The following EVC variants were observed in gnomAD, a reference collection of about 807,000 sequenced individuals.
EVC encodes the protein EvC ciliary complex subunit 1.
Under a neutral mutation model 118.9 loss-of-function variants are expected in EVC, and 116 were observed. That is an observed-to-expected ratio of 0.98 (90% CI 0.84 to 1.14). The LOEUF (loss-of-function observed/expected upper bound fraction) is 1.14. Among genes scored for constraint, EVC ranks in the 50% most tolerant of loss-of-function variants. The pLI, the probability that EVC is intolerant of heterozygous loss-of-function variation, is 0.00. For synonymous variants in EVC, 619 were observed against 534.7 expected, an observed-to-expected ratio of 1.16 and a Z score of -2.18; for missense variants, 1,401 against 1,246.4, an observed-to-expected ratio of 1.12 and a Z score of -1.87.
rs1723001259 is a variant in EVC, at chr4:5,711,462, C to G, written c.82C>G (p.Leu28Val). 5.7e-6 allele frequency: 6 copies of G among 1,050,764 alleles called. No individual in the cohort carries two copies. Among genetic ancestry groups the G allele is most frequent in the Non-Finnish European group, 6.9e-6 (6 of 875,512 alleles). The allele number at this position is 1,050,764 out of a possible 1,614,324, so 65.1% of individuals were successfully genotyped here. A position where few individuals can be genotyped will look rare whatever the true frequency, so the allele number is the denominator to read the frequency against. The change falls in exon 1 of 21, where the codon CTG becomes GTG. Residue 28 changes from leucine to valine, a missense_variant. By Grantham distance (32) the Leu-to-Val change is conservative (BLOSUM62 1). Coordinates refer to ENST00000264956, the MANE Select transcript of EVC (RefSeq NM_153717.3). Reference protein sequence around the residue: ...RDALRPAPALLAPAVLLGAAL... With the variant: ...RDALRPAPALVAPAVLLGAAL... Reference sequence around the variant, plus strand: ...CGCGCTGCGGCCGGCGCCCGCCCTGCTGGCCCCCGCCGTGCTGCTGGGCGC... The same window carrying G: ...CGCGCTGCGGCCGGCGCCCGCCCTGGTGGCCCCCGCCGTGCTGCTGGGCGC...
chr4:5,784,276 C>A (rs1025052123), intron 12 of EVC, among the ~76,000 whole-genome samples: 3 of 152,142 alleles, frequency 2.0e-5, no homozygotes, highest in Admixed American at 6.5e-5. Flanking sequence ...CCTGGTGAGC[C>A]CAGCGTAATT....
chr4:5,773,791 G>A (rs1734331994), intron 11 of EVC, among the ~76,000 whole-genome samples: 1 of 152,080 alleles, frequency 6.6e-6, no homozygotes, highest in Non-Finnish European at 1.5e-5. Flanking sequence ...ATTTTTAAGA[G>A]ACTCAAGCTC....
downstream of EVC, among the ~76,000 whole-genome samples, chr4:5,815,685 A>C (rs573269612): frequency 1.3e-5 from 2 of 152,284 alleles, no homozygotes; most frequent in South Asian, 4.1e-4. Flanking sequence ...TATGGAAACC[A>C]GAGGAGTGGG....
At chr4:5,817,619 C>T (rs1435199485), downstream of EVC, among the ~76,000 whole-genome samples, 1 of 152,162 alleles carries the variant, frequency 6.6e-6, no homozygotes. Flanking sequence ...CATGGTTTTT[C>T]ACTTCATAAA....
chr4:5,757,578 T>G (rs1731369246), intron 11 of EVC, among the ~76,000 whole-genome samples: 1 of 152,232 alleles, frequency 6.6e-6, no homozygotes, highest in African/African-American at 2.4e-5. Context: ...AGGCCTCTCT[T>G]CCGGGCTTGC....
chr4:5,823,837 A>G, the EVC span, among the ~76,000 whole-genome samples: 1 of 152,228 alleles, frequency 6.6e-6, no homozygotes, highest in Admixed American at 6.5e-5. Flanking sequence ...CTTTATAGCA[A>G]TGTAAATGGA....
At chr4:5,824,230 A>C in the EVC span, 1 of 930,506 alleles carries the variant, frequency 1.1e-6, no homozygotes, top group Non-Finnish European at 1.3e-6. Flanking sequence ...TGTTGCACCC[A>C]GATAGCTTTT....
Position 5,798,866 on chromosome 4 carries a change from T to C in EVC, c.2304+74T>C. 2 of 1,470,994 alleles carry C rather than the reference T, an allele frequency of 1.4e-6. No homozygotes were observed. Among genetic ancestry groups the C allele is most frequent in the Non-Finnish European group, 1.9e-6 (2 of 1,071,312 alleles). The allele number at this position is 1,470,994 out of a possible 1,614,324, so 91.1% of individuals were successfully genotyped here. A position where few individuals can be genotyped will look rare whatever the true frequency, so the allele number is the denominator to read the frequency against. ...GGGTAGGGTCCATGCCTGGGTCTGCTCCTTGCCACACCGTTCATGGAGCTT... is the reference window on the plus strand; with the variant it reads ...GGGTAGGGTCCATGCCTGGGTCTGCCCCTTGCCACACCGTTCATGGAGCTT... On this transcript the variant is annotated intron_variant, in intron 15 of 20. Transcript: ENST00000264956. The surrounding 1 kb of genome is among the most constrained non-coding windows in gnomAD (Gnocchi z 4.1).
rs1451993607 is a variant in EVC, at chr4:5,738,779, A to G, written c.703-2937A>G. On this transcript the variant is annotated intron_variant, in intron 5 of 20. Transcript: ENST00000264956. This position sits in a 1 kb window ranked among gnomAD's most constrained non-coding sequence, Gnocchi z 6.5. The stretch of plus-strand genomic sequence containing the variant: ...ACGGGGTTTCACCATGTTGGCCAGG[A>G]TGGGTCTCAATCTCTTGACCTTGTG... Among the ~76,000 whole-genome samples the G allele has an allele frequency of 1.3e-5, 2 of 151,848 alleles. No homozygotes were observed. Among genetic ancestry groups the G allele is most frequent in the African/African-American group, 4.8e-5 (2 of 41,302 alleles).
At chr4:5,712,779 G>T (rs1472582826) in intron 1 of EVC, among the ~76,000 whole-genome samples, 1 of 152,180 alleles carries the variant, frequency 6.6e-6, no homozygotes, top group Admixed American at 6.5e-5. Flanking sequence ...GATCCTGCTG[G>T]TGATTAAGAG....
At chr4:5,785,622 T>G (rs1403390407) in intron 12 of EVC, among the ~76,000 whole-genome samples, 1 of 152,234 alleles carries the variant, frequency 6.6e-6, no homozygotes, top group Non-Finnish European at 1.5e-5. Context: ...CCGGTTGCCC[T>G]GTCGTAGGTG....
intron 9 of EVC, 115 bp downstream of exon 9, chr4:5,753,167 CT>C: frequency 1.0e-6 from 1 of 1,001,576 alleles, no homozygotes; most frequent in East Asian, 2.6e-5. Context: ...CGGGCACAGG[CT>C]GCCTTTCTGC....
chr4:5,809,561 G>T lies in EVC; in HGVS notation c.2732G>T (p.Arg911Leu), dbSNP rs930402783. 1 of 1,614,196 alleles carries T rather than the reference G, an allele frequency of 6.2e-7. No homozygotes were observed. The highest frequency in any genetic ancestry group is 8.5e-7 in the Non-Finnish European group (1 of 1,180,040). The stretch of plus-strand genomic sequence containing the variant: ...ATCTCCGAGCTGGCAGCCTTGGCCC[G>T]AGTGCCCCTTGCTGAAAGCAAACTG... ...NFISELAALA[R>L]VPLAESKLLP... The change falls in exon 19 of 21, where the codon CGA becomes CTA. Residue 911 changes from arginine (R) to leucine (L), a missense_variant. Arg to Leu is a moderately radical substitution (Grantham distance 102). Transcript: ENST00000264956.
At chr4:5,760,928 C>A (rs957874650) in intron 11 of EVC, among the ~76,000 whole-genome samples, 1 of 152,184 alleles carries the variant, frequency 6.6e-6, no homozygotes, top group Admixed American at 6.5e-5. Flanking sequence ...GCCATTTCAT[C>A]ACAAGCTTTT....
In EVC at chr4:5,811,290, C is replaced by A; in HGVS notation, c.*253C>A. 1 of 469,562 alleles carries A rather than the reference C, an allele frequency of 2.1e-6. No homozygotes were observed. 29.1% of individuals were successfully genotyped at this position (469,562 alleles called of 1,614,324 possible). A position where few individuals can be genotyped will look rare whatever the true frequency, so the allele number is the denominator to read the frequency against. ...TTTCATTTGGCTTGGAGCCCTGGCT[C>A]GATGCCTCATGGATCTTTCTCCCCA... On this transcript the variant is annotated 3_prime_UTR_variant, in exon 21 of 21. Coordinates refer to ENST00000264956, the MANE Select transcript of EVC (RefSeq NM_153717.3).
At position 5,742,272 on chromosome 4, in the gene EVC, T is replaced by A. The variant is rs755382891; in HGVS notation, c.801+458T>A. ...TTTTACAAGCTCTCAGAATCGTAGT[T>A]TCCTTTTTGTATAGTGAGATAATTC... On this transcript the variant is annotated intron_variant, in intron 6 of 20. Coordinates refer to ENST00000264956, the MANE Select transcript of EVC (RefSeq NM_153717.3). The surrounding 1 kb of genome is among the most constrained non-coding windows in gnomAD (Gnocchi z 5.2). Among the ~76,000 whole-genome samples, 4 of 152,158 alleles carry A rather than the reference T, an allele frequency of 2.6e-5. No individual in the cohort carries two copies. Among genetic ancestry groups the A allele is most frequent in the Non-Finnish European group, 5.9e-5 (4 of 68,040 alleles).
At chr4:5,769,140 A>G (rs531573008) in intron 11 of EVC, among the ~76,000 whole-genome samples, 7 of 152,220 alleles carry the variant, frequency 4.6e-5, no homozygotes, top group Admixed American at 1.3e-4. Flanking sequence ...GGTTTAACAG[A>G]CTCACAGTTC....
Position 5,711,227 on chromosome 4 carries a change from G to T in EVC, c.-154G>T. The T allele has an allele frequency of 5.5e-6, 2 of 363,908 alleles. No individual in the cohort carries two copies. Among genetic ancestry groups the T allele is most frequent in the Non-Finnish European group, 7.7e-6 (2 of 261,122 alleles). The allele number at this position is 363,908 out of a possible 1,614,324, so 22.5% of individuals were successfully genotyped here. A position where few individuals can be genotyped will look rare whatever the true frequency, so the allele number is the denominator to read the frequency against. Reference sequence around the variant, plus strand: ...CGGCTCGGCGAAGCAGGGAAGGGGAGAGAAGCAGGAGTCGGGAGACTGCAC... The same window carrying T: ...CGGCTCGGCGAAGCAGGGAAGGGGATAGAAGCAGGAGTCGGGAGACTGCAC... On this transcript the variant is annotated 5_prime_UTR_variant, in exon 1 of 21. Coordinates refer to ENST00000264956, the MANE Select transcript of EVC (RefSeq NM_153717.3).
At position 5,749,401 on chromosome 4, in the gene EVC, A is replaced by G. The variant is rs1273105326; in HGVS notation, c.1098+1095A>G. Among the ~76,000 whole-genome samples, 2 of 151,842 alleles carry G rather than the reference A, an allele frequency of 1.3e-5. No homozygotes were observed. The highest frequency in any genetic ancestry group is 2.9e-5 in the Non-Finnish European group (2 of 68,004). On this transcript the variant is annotated intron_variant, in intron 8 of 20. Transcript: ENST00000264956. The surrounding 1 kb of genome is among the most constrained non-coding windows in gnomAD (Gnocchi z 4.4). ...TTGTGAAGCCTGCCAACCACAGATA[A>G]GCAAAAAAGTCCTCACATTCAAAGG...
Sources: gnomAD v4.1 joint callset for allele counts (sites outside exome capture counted in the v4.1 genomes callset) on GRCh38, gnomAD v4.1.1 for gene constraint, Gnocchi (gnomAD v3.1) non-coding constraint, MANE v1.5 for transcripts, NCBI Gene and HGNC (gene_info 2026-07-23, HGNC 2026-07-21) for gene names.